BPTF: variants seen among roughly 807,000 people sequenced by gnomAD.
BPTF encodes the protein nucleosome-remodeling factor subunit BPTF.
Under a neutral mutation model 292.5 loss-of-function variants are expected in BPTF, and 18 were observed. That is an observed-to-expected ratio of 0.06 (90% CI 0.04 to 0.09). The LOEUF is 0.09. Ranked by LOEUF, BPTF falls within the 10% of genes least tolerant of loss-of-function variation. The pLI is 1.00. For synonymous variants in BPTF, 1,225 were observed against 1,251.9 expected (o/e 0.98, Z 0.45); for missense variants, 2,726 against 3,498.7 (o/e 0.78, Z 5.57).
chr17:67,933,748 C>T, intron 18 of BPTF, among the ~76,000 whole-genome samples: 1 of 152,084 alleles, frequency 6.6e-6, no homozygotes, highest in East Asian at 1.9e-4. Context: ...TTCTGAAATA[C>T]ACATTCATTT....
intron 27 of BPTF, among the ~76,000 whole-genome samples, chr17:67,976,654 C>G (rs2069461125): frequency 7.0e-6 from 1 of 142,526 alleles, no homozygotes; most frequent in African/African-American, 2.7e-5. Context: ...CCACTGCTCT[C>G]CAACCTGAGT....
chr17:67,944,066 T>G (rs1352838748), intron 19 of BPTF, 84 bp from the exon 20 acceptor site: 1 of 996,180 alleles, frequency 1.0e-6, no homozygotes, highest in African/African-American at 1.6e-5. Flanking sequence ...AAAAGATAAT[T>G]ACACATAAAA....
rs1489258620 is a variant in BPTF at position 67,825,802 on chromosome 17, A to ACCG, written c.90_92dup (p.Pro31dup). ...AGCGCTGCGCCCCGGCCCCGCCGCCACCGCCGCCGCCGCCCACGTCCGGAC... is the reference window on the plus strand; with the variant it reads ...AGCGCTGCGCCCCGGCCCCGCCGCCACCGCCGCCGCCGCCGCCCACGTCCGGAC... On this transcript the variant is annotated inframe_insertion, in exon 1 of 28. Transcript: ENST00000306378. 4.9e-5 allele frequency: 50 copies of ACCG among 1,027,760 alleles called. No homozygotes were observed. Among genetic ancestry groups the ACCG allele is most frequent in the Middle Eastern group, 4.7e-4 (1 of 2,150 alleles). The allele number at this position is 1,027,760 out of a possible 1,614,324, so 63.7% of individuals were successfully genotyped here.
At chr17:67,850,007 T>A (rs1453957329) in intron 1 of BPTF, among the ~76,000 whole-genome samples, 1 of 152,190 alleles carries the variant, frequency 6.6e-6, no homozygotes, top group African/African-American at 2.4e-5. Flanking sequence ...ATATGCACTC[T>A]GAAGTTTGAG....
chr17:67,892,269 C>T (rs1364863283), intron 5 of BPTF, among the ~76,000 whole-genome samples: 2 of 152,178 alleles, frequency 1.3e-5, no homozygotes, highest in Non-Finnish European at 2.9e-5. Flanking sequence ...GGCTGATACA[C>T]TTTCTTACTA....
intron 7 of BPTF, among the ~76,000 whole-genome samples, chr17:67,894,681 C>T (rs565656091): frequency 1.1e-4 from 17 of 152,216 alleles, no homozygotes; most frequent in African/African-American, 4.1e-4. Context: ...CAAAAGAGAT[C>T]TGGTATATGA....
At chr17:67,942,695 C>G (rs573411090) in intron 19 of BPTF, among the ~76,000 whole-genome samples, 23 of 152,108 alleles carry the variant, frequency 1.5e-4, no homozygotes, top group Non-Finnish European at 2.8e-4. Flanking sequence ...CAGCATTGTT[C>G]ATAAGAATCA....
At chr17:67,975,057 T>C (rs1422133429) in intron 26 of BPTF, 1 of 152,096 alleles carries the variant, frequency 6.6e-6, no homozygotes, top group Non-Finnish European at 1.5e-5. Context: ...CATTAACATA[T>C]AAAAGAAACT....
chr17:67,977,828 A>G (rs1159568107), intron 27 of BPTF: 1 of 149,288 alleles, frequency 6.7e-6, no homozygotes, highest in Non-Finnish European at 1.5e-5. Context: ...TGGGCGACAG[A>G]GGGAGATTCC....
chr17:67,941,222 G>A (rs964080148), intron 19 of BPTF, among the ~76,000 whole-genome samples: 2 of 152,112 alleles, frequency 1.3e-5, no homozygotes, highest in Non-Finnish European at 2.9e-5. Context: ...AGGCCAGGGC[G>A]GGTGGATTGC....
In BPTF at chr17:67,912,303, A is replaced by G. The variant is rs2062707550; in HGVS notation, c.4419A>G (p.Glu1473=). ...TCATTAATGGTGATGTCATCATGGAAGATTTTAATGAAAGAAACAGCTCCG... is the reference window on the plus strand; with the variant it reads ...TCATTAATGGTGATGTCATCATGGAGGATTTTAATGAAAGAAACAGCTCCG... The part of the protein sequence containing the change: ...RPFINGDVIM[E]DFNERNSSET... The change falls in exon 11 of 28, where the codon GAA becomes GAG. Residue 1473 remains glutamate, a synonymous_variant. Transcript: ENST00000306378. 6.2e-7 allele frequency: 1 copy of G among 1,613,928 alleles called. No individual in the cohort carries two copies. The highest frequency in any genetic ancestry group is 8.5e-7 in the Non-Finnish European group (1 of 1,179,836).
At chr17:67,954,264 A>T (rs1555679938) in intron 23 of BPTF, among the ~76,000 whole-genome samples, 3 of 151,634 alleles carry the variant, frequency 2.0e-5, no homozygotes, top group Non-Finnish European at 4.4e-5. Context: ...CCTGGGCTCA[A>T]GCAAGTGATC....
chr17:67,958,069 C>T (rs2067121116), intron 23 of BPTF, among the ~76,000 whole-genome samples: 1 of 152,208 alleles, frequency 6.6e-6, no homozygotes, highest in African/African-American at 2.4e-5. Context: ...CAGAGGCTCA[C>T]GCCTGTAATC....
chr17:67,916,419 G>A lies in BPTF; in HGVS notation c.5304-2295G>A, dbSNP rs181268591. 3.9e-5 allele frequency among the ~76,000 whole-genome samples: 6 copies of A among 152,136 alleles called. 1 individual carries two copies. The highest frequency in any genetic ancestry group is 3.9e-4 in the Admixed American group (6 of 15,284). On this transcript the variant is annotated intron_variant, in intron 11 of 27. Coordinates refer to ENST00000306378, the MANE Select transcript of BPTF (RefSeq NM_182641.4). ...AGCCTGGCCAAAGTGGTGAAACCCCGTCTTTACTAAATATACAAAAATGAG... is the reference window on the plus strand; with the variant it reads ...AGCCTGGCCAAAGTGGTGAAACCCCATCTTTACTAAATATACAAAAATGAG...
At position 67,936,946 on chromosome 17, in the gene BPTF, A is replaced by C. The variant is rs139446109; in HGVS notation, c.6260-3493A>C. Among the ~76,000 whole-genome samples the C allele has an allele frequency of 4.9e-3, 743 of 152,304 alleles. 5 individuals carry two copies. Among genetic ancestry groups the C allele is most frequent in the African/African-American group, 0.017 (696 of 41,578 alleles). On this transcript the variant is annotated intron_variant, in intron 18 of 27. Transcript: ENST00000306378. ...ATCTGATTTCCAAGTCCAGATATTCATTTATTCATTCAACAATTATTCAGT... is the reference window on the plus strand; with the variant it reads ...ATCTGATTTCCAAGTCCAGATATTCCTTTATTCATTCAACAATTATTCAGT...
At chr17:67,916,951 T>C (rs74444061) in intron 11 of BPTF, among the ~76,000 whole-genome samples, 1,719 of 152,120 alleles carry the variant, frequency 0.011, 26 homozygotes, top group African/African-American at 0.039. Context: ...CACAAAGATA[T>C]ATAGTGAATT....
chr17:67,883,680 A>C (rs977090237), intron 4 of BPTF, among the ~76,000 whole-genome samples: 1 of 151,626 alleles, frequency 6.6e-6, no homozygotes, highest in African/African-American at 2.4e-5. Context: ...GCTCACAGCA[A>C]CCTCCGCCCC....
chr17:67,979,093 C>G (rs2069953655), intron 27 of BPTF, among the ~76,000 whole-genome samples: 1 of 146,550 alleles, frequency 6.8e-6, no homozygotes, highest in South Asian at 2.2e-4. Flanking sequence ...AGGATTGAGC[C>G]CATGAGGTAG....
intron 11 of BPTF, among the ~76,000 whole-genome samples, chr17:67,914,735 T>G (rs2062867181): frequency 1.3e-5 from 2 of 152,176 alleles, no homozygotes; most frequent in African/African-American, 4.8e-5. Flanking sequence ...CTGGTCCCAA[T>G]CAAGTGTTGC....
Sources: allele counts gnomAD v4.1 joint callset (sites outside exome capture counted in the v4.1 genomes callset), GRCh38; gene constraint gnomAD v4.1.1; transcripts MANE v1.5; gene names NCBI Gene and HGNC (gene_info 2026-07-23, HGNC 2026-07-21).